Variants in ABRAXAS1 observed in about 807,000 individuals in gnomAD.
ABRAXAS1 encodes BRCA1-A complex subunit Abraxas 1.
Under a neutral mutation model 38.4 loss-of-function variants are expected in ABRAXAS1, and 26 were observed. The ratio of observed to expected loss-of-function variants is 0.68; its 90% confidence interval spans 0.50 to 0.94. The LOEUF is 0.94. Among genes scored for constraint, ABRAXAS1 ranks in the 40% least tolerant of loss-of-function variants. ABRAXAS1 has a pLI of 0.00. For synonymous variants in ABRAXAS1, 144 were observed against 165.5 expected (o/e 0.87, Z 1.00); for missense variants, 438 against 481.9 (o/e 0.91, Z 0.85).
Position 83,471,191 on chromosome 4 carries a change from C to CTTTTTTTT in ABRAXAS1, c.283-803_283-796dup, listed in dbSNP as rs869128932. 2.2e-4 allele frequency among the ~76,000 whole-genome samples: 13 copies of CTTTTTTTT among 58,198 alleles called. 1 individual carries two copies. Among genetic ancestry groups the CTTTTTTTT allele is most frequent in the Non-Finnish European group, 3.1e-4 (8 of 26,178 alleles). 38.2% of individuals were successfully genotyped at this position (58,198 alleles called of 152,430 possible). Reference sequence around the variant, plus strand: ...CAAACATATTTGTTGAAAGAAACATCTTTTTTTTTTTTTTTTTTTTTTTTT... The same window carrying CTTTTTTTT: ...CAAACATATTTGTTGAAAGAAACATCTTTTTTTTTTTTTTTTTTTTTTTTTTTTTTTTT... On this transcript the variant is annotated intron_variant, in intron 4 of 8. Transcript: ENST00000321945.
chr4:83,466,847 T>G (rs1043479917), intron 7 of ABRAXAS1: 6 of 152,666 alleles, frequency 3.9e-5, no homozygotes, highest in African/African-American at 1.4e-4. Flanking sequence ...CCACTAGCTT[T>G]CTTGCTCTTT....
rs1462203793 is a variant in ABRAXAS1, at chr4:83,460,877, GC to G, written c.*1591del. 3.6e-5 allele frequency: 38 copies of G among 1,041,602 alleles called. No homozygotes were observed. The East Asian group carries it at 7.1e-4, about 19-fold the overall frequency. The allele number at this position is 1,041,602 out of a possible 1,614,324, so 64.5% of individuals were successfully genotyped here. ...GGCGAGAGAGCACCACTGTACTCCAGCCTGGGTGACACAGGGAGACTCCATC... is the reference window on the plus strand; with the variant it reads ...GGCGAGAGAGCACCACTGTACTCCAGCTGGGTGACACAGGGAGACTCCATC... On this transcript the variant is annotated 3_prime_UTR_variant, in exon 9 of 9. Coordinates refer to ENST00000321945, the MANE Select transcript of ABRAXAS1 (RefSeq NM_139076.3).
At chr4:83,473,666 T>C (rs1009353912) in intron 3 of ABRAXAS1, among the ~76,000 whole-genome samples, 1 of 151,920 alleles carries the variant, frequency 6.6e-6, no homozygotes, top group Non-Finnish European at 1.5e-5. Flanking sequence ...ACTACAGGCA[T>C]GCCAACACAC....
rs778567938 is a variant in ABRAXAS1 at position 83,469,023 on chromosome 4, G to T, written c.596+9C>A. On this transcript the variant is annotated intron_variant, in intron 6 of 8. Coordinates refer to ENST00000321945, the MANE Select transcript of ABRAXAS1 (RefSeq NM_139076.3). ...ATAGAAGTTTTGTGAGAAAGCAGTTGAATCTTACCTGTGTGTTTGTACTGC... is the reference window on the plus strand; with the variant it reads ...ATAGAAGTTTTGTGAGAAAGCAGTTTAATCTTACCTGTGTGTTTGTACTGC... The T allele has an allele frequency of 1.9e-6, 3 of 1,607,334 alleles. No individual in the cohort carries two copies. The highest frequency in any genetic ancestry group is 2.5e-6 in the Non-Finnish European group (3 of 1,178,526).
chr4:83,477,755 C>T (rs1722835448), intron 2 of ABRAXAS1: 3 of 669,782 alleles, frequency 4.5e-6, no homozygotes, highest in Non-Finnish European at 8.6e-6. Context: ...TGTATTGGCT[C>T]TGTATTCAGG....
chr4:83,467,459 A>G lies in ABRAXAS1; in HGVS notation c.676T>C (p.Leu226=), dbSNP rs769383568. The G allele has an allele frequency of 3.7e-5, 56 of 1,503,310 alleles. No individual in the cohort carries two copies. Among genetic ancestry groups the G allele is most frequent in the East Asian group, 6.8e-5 (3 of 44,222 alleles). 93.1% of individuals were successfully genotyped at this position (1,503,310 alleles called of 1,614,324 possible). Residue 226 remains leucine, a synonymous_variant, in exon 7 of 9, where the codon TTA becomes CTA. Transcript: ENST00000321945. ...NEMYASLQEE[L]KSICKKVEDS... ...TGTTTGATATGTTAACTTACCTTTA[A>G]TTCCTCTTGTAATGAAGCATACATT...
chr4:83,466,588 T>C (rs1560572840), intron 7 of ABRAXAS1, among the ~76,000 whole-genome samples: 1 of 150,834 alleles, frequency 6.6e-6, no homozygotes, highest in African/African-American at 2.4e-5. Context: ...CAGGCTGGAG[T>C]GCAGTGGCAC....
chr4:83,484,833 C>A (rs749062133), intron 1 of ABRAXAS1, 153 bp downstream of exon 1: 20 of 548,650 alleles, frequency 3.6e-5, no homozygotes, highest in Non-Finnish European at 6.2e-5. Context: ...CCTCAGGGAC[C>A]GCTGAGGGGG....
At chr4:83,468,614 A>G (rs190099755) in intron 6 of ABRAXAS1, among the ~76,000 whole-genome samples, 95 of 152,316 alleles carry the variant, frequency 6.2e-4, no homozygotes, top group African/African-American at 2.3e-3. Context: ...GCCTTAGAAA[A>G]TTATAATTTT....
At position 83,460,763 on chromosome 4, in the gene ABRAXAS1, G is replaced by C. The variant is rs1039571064; in HGVS notation, c.*1706C>G. 1.4e-5 allele frequency: 7 copies of C among 497,228 alleles called. No homozygotes were observed. The highest frequency in any genetic ancestry group is 2.5e-5 in the Non-Finnish European group (7 of 275,162). 30.8% of individuals were successfully genotyped at this position (497,228 alleles called of 1,614,324 possible). A position where few individuals can be genotyped will look rare whatever the true frequency, so the allele number is the denominator to read the frequency against. ...TACTACAAATACAAAAAAATTATCC[G>C]GGTGTGGCGGTGCATGCCTGTAATT... On this transcript the variant is annotated 3_prime_UTR_variant, in exon 9 of 9. Transcript: ENST00000321945.
intron 3 of ABRAXAS1, among the ~76,000 whole-genome samples, chr4:83,475,427 G>A (rs1578132010): frequency 6.6e-6 from 1 of 152,080 alleles, no homozygotes; most frequent in South Asian, 2.1e-4. Context: ...TACATAGTCT[G>A]TAAGATAGTT....
Position 83,461,680 on chromosome 4 carries a change from T to G in ABRAXAS1, c.*789A>C, listed in dbSNP as rs1722123778. 3.9e-6 allele frequency: 1 copy of G among 253,780 alleles called. No homozygotes were observed. The allele number at this position is 253,780 out of a possible 1,614,324, so 15.7% of individuals were successfully genotyped here. On this transcript the variant is annotated 3_prime_UTR_variant, in exon 9 of 9. Transcript: ENST00000321945. ...TAATAGACATTGAATATGATAGACATACATGTATATATGTATCAGTTCTGA... is the reference window on the plus strand; with the variant it reads ...TAATAGACATTGAATATGATAGACAGACATGTATATATGTATCAGTTCTGA...
intron 7 of ABRAXAS1, among the ~76,000 whole-genome samples, chr4:83,465,924 G>C (rs1229046964): frequency 6.6e-6 from 1 of 152,112 alleles, no homozygotes; most frequent in African/African-American, 2.4e-5. Context: ...TGAGTGTGGT[G>C]GCCATGGAAA....
chr4:83,465,234 T>C (rs1722303592), intron 7 of ABRAXAS1, among the ~76,000 whole-genome samples: 1 of 136,504 alleles, frequency 7.3e-6, no homozygotes, highest in Non-Finnish European at 1.5e-5. Flanking sequence ...AGGCGGAGGT[T>C]ACAGTGAGCC....
At chr4:83,475,703 A>G (rs1722740830) in intron 3 of ABRAXAS1, among the ~76,000 whole-genome samples, 1 of 152,162 alleles carries the variant, frequency 6.6e-6, no homozygotes, top group Non-Finnish European at 1.5e-5. Flanking sequence ...TCATAAAACT[A>G]TTTCATTAAA....
chr4:83,468,175 C>G (rs1259931258), intron 6 of ABRAXAS1, among the ~76,000 whole-genome samples: 1 of 151,962 alleles, frequency 6.6e-6, no homozygotes, highest in Non-Finnish European at 1.5e-5. Context: ...CATGGTGGTG[C>G]ATGCCTGTAA....
chr4:83,471,376 T>C (rs1402213625), intron 4 of ABRAXAS1, among the ~76,000 whole-genome samples: 1 of 151,704 alleles, frequency 6.6e-6, no homozygotes, highest in Non-Finnish European at 1.5e-5. Context: ...GCTTTTTTTT[T>C]TTCTTCTGTT....
chr4:83,471,121 A>G (rs1297344246), intron 4 of ABRAXAS1, among the ~76,000 whole-genome samples: 5 of 152,048 alleles, frequency 3.3e-5, no homozygotes, highest in Non-Finnish European at 4.4e-5. Flanking sequence ...GCAATTTTAA[A>G]TACTCAAATA....
In ABRAXAS1 at chr4:83,474,994, C is replaced by T. The variant is rs182519652; in HGVS notation, c.215+1649G>A. Reference sequence around the variant, plus strand: ...TCTGAATGAGAGGTATTTCACATGTCTCTCCTAATGCCTTTCCACCCCGCT... The same window carrying T: ...TCTGAATGAGAGGTATTTCACATGTTTCTCCTAATGCCTTTCCACCCCGCT... On this transcript the variant is annotated intron_variant, in intron 3 of 8. Coordinates refer to ENST00000321945, the MANE Select transcript of ABRAXAS1 (RefSeq NM_139076.3). Among the ~76,000 whole-genome samples, 3 of 152,260 alleles carry T rather than the reference C, an allele frequency of 2.0e-5. No individual in the cohort carries two copies. The East Asian group carries it at 5.8e-4, about 29-fold the overall frequency.
Sources: gnomAD v4.1 joint callset for allele counts (sites outside exome capture counted in the v4.1 genomes callset) on GRCh38, gnomAD v4.1.1 for gene constraint, MANE v1.5 for transcripts, NCBI Gene and HGNC (gene_info 2026-07-23, HGNC 2026-07-21) for gene names.